The following MCMDC2 variants were observed in gnomAD, a reference collection of about 807,000 sequenced individuals.
The protein encoded by MCMDC2 is minichromosome maintenance domain-containing protein 2.
A neutral mutation model predicts 75.8 loss-of-function variants in MCMDC2; 54 were observed. The observed-to-expected ratio is 0.71, with a 90% CI of 0.57 to 0.89. MCMDC2 has a LOEUF of 0.89. MCMDC2 is among the 40% of genes least tolerant of loss of function. The probability of loss-of-function intolerance (pLI) is 0.00; values close to 1 mark genes in which losing one functional copy is unlikely to be tolerated. For missense variants in MCMDC2, 656 were observed against 780.4 expected, an observed-to-expected ratio of 0.84 and a Z score of 1.90; for synonymous variants, 249 against 274.6, an observed-to-expected ratio of 0.91 and a Z score of 0.92.
At chr8:66,878,955 T>A (rs1811431417) in intron 7 of MCMDC2, 36 bp downstream of exon 7, 2 of 1,297,374 alleles carry the variant, frequency 1.5e-6, no homozygotes, top group Non-Finnish European at 2.2e-6. Context: ...AAAAAATTGC[T>A]ATAAATATGT....
In MCMDC2 at chr8:66,878,645, A is replaced by C. The variant is rs1811412580; in HGVS notation, c.553A>C (p.Asn185His). The change falls in exon 6 of 15, where the codon AAT becomes CAT. Residue 185 changes from asparagine to histidine, a missense_variant. Transcript: ENST00000422365. ...AACGATAAGAAATGACTTTTTGTGT[A>C]ATCTATGTGCATCTTCACTTCAAGA... ...SATIRNDFLC[N>H]LCASSLQEDR... The C allele has an allele frequency of 6.4e-7, 1 of 1,573,016 alleles. No individual in the cohort carries two copies. The highest frequency in any genetic ancestry group is 8.6e-7 in the Non-Finnish European group (1 of 1,166,402).
At chr8:66,900,458 C>T (rs1812603690) in intron 12 of MCMDC2, among the ~76,000 whole-genome samples, 1 of 151,212 alleles carries the variant, frequency 6.6e-6, no homozygotes, top group African/African-American at 2.4e-5. Flanking sequence ...AAAAAAAAAA[C>T]ATATAAATTT....
intron 5 of MCMDC2, among the ~76,000 whole-genome samples, 191 bp from the exon 6 acceptor site, chr8:66,878,383 C>T (rs1811398556): frequency 6.6e-6 from 1 of 152,122 alleles, no homozygotes; most frequent in African/African-American, 2.4e-5. Context: ...ACCCTGAACC[C>T]AAGTGCAAAA....
intron 9 of MCMDC2, chr8:66,884,252 C>T (rs1585863532): frequency 1.9e-6 from 1 of 518,712 alleles, no homozygotes; most frequent in South Asian, 3.2e-5. Context: ...TTCCTTTCCC[C>T]CTATTCCCTA....
chr8:66,898,985 A>T (rs897350148), intron 12 of MCMDC2, among the ~76,000 whole-genome samples: 1 of 152,280 alleles, frequency 6.6e-6, no homozygotes, highest in Non-Finnish European at 1.5e-5. Flanking sequence ...AAGATTTTAT[A>T]GTTGGTTTGT....
chr8:66,901,544 A>G, intron 13 of MCMDC2, 196 bp downstream of exon 13: 1 of 1,269,660 alleles, frequency 7.9e-7, no homozygotes. Context: ...TTAATCTCTA[A>G]TAATTTTTTT....
At position 66,903,771 on chromosome 8, in the gene MCMDC2, T is replaced by A. The variant is rs1437360519; in HGVS notation, c.1770-1455T>A. 2.0e-5 allele frequency among the ~76,000 whole-genome samples: 3 copies of A among 152,134 alleles called. No homozygotes were observed. In the East Asian group the frequency reaches 5.8e-4, roughly 29 times the overall value. On this transcript the variant is annotated intron_variant, in intron 13 of 14. Transcript: ENST00000422365. ...TAGAGAAGTGGAGCTGAACAATACT[T>A]TCTAAAGGCTCTATACATATTCTGT...
In MCMDC2 at chr8:66,919,910, T is replaced by G. The variant is rs1813455164; in HGVS notation, c.*741T>G. On this transcript the variant is annotated 3_prime_UTR_variant, in exon 15 of 15. Coordinates refer to ENST00000422365, the MANE Select transcript of MCMDC2 (RefSeq NM_173518.5). Reference sequence around the variant, plus strand: ...CTAGTCCTCATTTTTGGAGGGAAGATATCTGCTCTGAAAAGATAGGGGCAC... The same window carrying G: ...CTAGTCCTCATTTTTGGAGGGAAGAGATCTGCTCTGAAAAGATAGGGGCAC... The G allele has an allele frequency of 6.6e-6, 1 of 152,172 alleles. No homozygotes were observed. Among genetic ancestry groups the G allele is most frequent in the South Asian group, 2.1e-4 (1 of 4,830 alleles). The allele number at this position is 152,172 out of a possible 1,614,324, so 9.4% of individuals were successfully genotyped here.
downstream of MCMDC2, among the ~76,000 whole-genome samples, chr8:66,923,089 A>G (rs910018400): frequency 1.3e-5 from 2 of 152,210 alleles, no homozygotes; most frequent in African/African-American, 4.8e-5. Context: ...TGATTTTAAG[A>G]CATAATGGTC....
At chr8:66,914,196 T>C (rs1813219700) in intron 14 of MCMDC2, among the ~76,000 whole-genome samples, 1 of 145,966 alleles carries the variant, frequency 6.9e-6, no homozygotes, top group South Asian at 2.1e-4. Flanking sequence ...GGTGGGAGGA[T>C]GGCTTGAGCC....
At chr8:66,881,671 G>A (rs1313591738) in intron 8 of MCMDC2, among the ~76,000 whole-genome samples, 1 of 151,912 alleles carries the variant, frequency 6.6e-6, no homozygotes, top group African/African-American at 2.4e-5. Flanking sequence ...GAGTGATAGA[G>A]ACTCCGTCTC....
At chr8:66,899,287 A>C (rs538145794) in intron 12 of MCMDC2, among the ~76,000 whole-genome samples, 1 of 152,124 alleles carries the variant, frequency 6.6e-6, no homozygotes. Context: ...GGCTGACAGC[A>C]CTCTCAGTAG....
intron 14 of MCMDC2, among the ~76,000 whole-genome samples, chr8:66,910,005 C>T (rs1415975030): frequency 1.3e-5 from 2 of 152,208 alleles, no homozygotes; most frequent in Non-Finnish European, 2.9e-5. Flanking sequence ...AAGGGGCTAA[C>T]GTATAGCTCA....
chr8:66,880,764 A>G, intron 7 of MCMDC2, 85 bp from the exon 8 acceptor site: 1 of 1,264,338 alleles, frequency 7.9e-7, no homozygotes, highest in South Asian at 2.4e-5. Flanking sequence ...GAATTGTTTT[A>G]CTAGTTCTGG....
intron 9 of MCMDC2, among the ~76,000 whole-genome samples, chr8:66,887,463 A>T (rs2130815702): frequency 6.6e-6 from 1 of 151,824 alleles, no homozygotes; most frequent in Middle Eastern, 3.5e-3. Context: ...GAGGCAGGAG[A>T]ATCATTTGAA....
intron 10 of MCMDC2, among the ~76,000 whole-genome samples, chr8:66,893,273 C>A (rs1812196287): frequency 6.6e-6 from 1 of 152,164 alleles, no homozygotes. Context: ...CTTTGGGAGG[C>A]TGAGGCAAGA....
intron 9 of MCMDC2, among the ~76,000 whole-genome samples, chr8:66,884,782 A>G (rs948662248): frequency 1.3e-5 from 2 of 151,550 alleles, no homozygotes; most frequent in Admixed American, 6.6e-5. Context: ...TATTTTTGTT[A>G]TCATTATTTT....
chr8:66,921,851 G>A lies in MCMDC2; in HGVS notation c.*2682G>A, dbSNP rs984004423. 3 of 152,114 alleles carry A rather than the reference G, an allele frequency of 2.0e-5. No homozygotes were observed. The highest frequency in any genetic ancestry group is 7.2e-5 in the African/African-American group (3 of 41,424). 9.4% of individuals were successfully genotyped at this position (152,114 alleles called of 1,614,324 possible). ...AATGAGAATCACCACCCATAAATAAGCTAATTATTGACAAGATTATAATCT... is the reference window on the plus strand; with the variant it reads ...AATGAGAATCACCACCCATAAATAAACTAATTATTGACAAGATTATAATCT... On this transcript the variant is annotated 3_prime_UTR_variant, in exon 15 of 15. Transcript: ENST00000422365.
chr8:66,905,990 G>A (rs1477106490), intron 14 of MCMDC2, among the ~76,000 whole-genome samples: 2 of 148,834 alleles, frequency 1.3e-5, no homozygotes, highest in African/African-American at 5.0e-5. Context: ...GGGTGACAGA[G>A]TGAGACTCCA....
Sources: allele counts gnomAD v4.1 joint callset (sites outside exome capture counted in the v4.1 genomes callset), GRCh38; gene constraint gnomAD v4.1.1; transcripts MANE v1.5; gene names NCBI Gene and HGNC (gene_info 2026-07-23, HGNC 2026-07-21).